Variants in RIMS2 observed in about 807,000 individuals in gnomAD.
RIMS2 encodes the protein regulating synaptic membrane exocytosis 2.
RIMS2 carries 59 observed loss-of-function variants against 174.4 expected under a neutral mutation model. That is an observed-to-expected ratio of 0.34 (90% CI 0.27 to 0.42). RIMS2 has a LOEUF of 0.42. RIMS2 is among the 10% of genes least tolerant of loss of function. RIMS2 has a pLI of 1.00. For synonymous variants in RIMS2, 606 were observed against 572.5 expected, an observed-to-expected ratio of 1.06 and a Z score of -0.84; for missense variants, 1,620 against 1,666.3, an observed-to-expected ratio of 0.97 and a Z score of 0.48.
intron 19 of RIMS2, among the ~76,000 whole-genome samples, chr8:104,032,861 A>G (rs1454493500): frequency 6.6e-6 from 1 of 152,046 alleles, no homozygotes. Context: ...TATTCCAAAC[A>G]TTATACTTGG....
intron 19 of RIMS2, among the ~76,000 whole-genome samples, chr8:104,173,467 A>G (rs960345936): frequency 2.0e-5 from 3 of 152,070 alleles, no homozygotes; most frequent in African/African-American, 7.2e-5. Flanking sequence ...TGAACACCAG[A>G]TTATTTTATT....
At chr8:103,788,919 C>T (rs886628140) in intron 3 of RIMS2, among the ~76,000 whole-genome samples, 12 of 152,196 alleles carry the variant, frequency 7.9e-5, no homozygotes, top group South Asian at 2.1e-4. Flanking sequence ...TAGCAATCAG[C>T]GAGACTCCGT....
intron 3 of RIMS2, among the ~76,000 whole-genome samples, chr8:103,830,764 A>G (rs1026349917): frequency 1.3e-5 from 2 of 151,100 alleles, no homozygotes; most frequent in Non-Finnish European, 3.0e-5. Context: ...CTTTTGCTCT[A>G]TGTGCCTTAA....
At chr8:103,537,507 A>G (rs1405483301) in intron 1 of RIMS2, among the ~76,000 whole-genome samples, 1 of 152,186 alleles carries the variant, frequency 6.6e-6, no homozygotes, top group Non-Finnish European at 1.5e-5. Context: ...CCAGGACAGC[A>G]ATTTGAGACC....
intron 16 of RIMS2, 126 bp downstream of exon 18, chr8:103,975,632 T>G: frequency 1.6e-6 from 1 of 627,998 alleles, no homozygotes; most frequent in South Asian, 2.5e-5. Context: ...GCTCATATGA[T>G]TATAAGACAA....
At chr8:103,614,298 T>A (rs1322057524) in intron 1 of RIMS2, among the ~76,000 whole-genome samples, 3 of 152,284 alleles carry the variant, frequency 2.0e-5, no homozygotes, top group Non-Finnish European at 4.4e-5. Flanking sequence ...AGCACAGCTT[T>A]GCTCTCCACT....
intron 19 of RIMS2, chr8:104,093,610 A>G (rs1194681277): frequency 3.8e-6 from 6 of 1,597,178 alleles, no homozygotes; most frequent in South Asian, 1.1e-5. Flanking sequence ...ATGTCTGTCC[A>G]ATCAGAACGC....
intron 4 of RIMS2, among the ~76,000 whole-genome samples, chr8:103,903,519 T>G (rs915188869): frequency 6.6e-6 from 1 of 152,172 alleles, no homozygotes; most frequent in African/African-American, 2.4e-5. Flanking sequence ...TTTTTCTCTG[T>G]GTATAGAACA....
intron 19 of RIMS2, chr8:104,015,383 TG>T: frequency 1.5e-6 from 1 of 670,434 alleles, no homozygotes; most frequent in Non-Finnish European, 2.7e-6. Flanking sequence ...TTTGTTTGTT[TG>T]TTTTTGTTCT....
intron 19 of RIMS2, among the ~76,000 whole-genome samples, chr8:104,213,114 C>A (rs1467917249): frequency 6.6e-6 from 1 of 152,094 alleles, no homozygotes; most frequent in African/African-American, 2.4e-5. Flanking sequence ...GAGTTTGAGA[C>A]CAGCCTGGCC....
At chr8:104,167,009 A>C (rs141103998) in intron 19 of RIMS2, among the ~76,000 whole-genome samples, 166 of 152,226 alleles carry the variant, frequency 1.1e-3, no homozygotes, top group Non-Finnish European at 8.2e-4. Context: ...TGCCACATTT[A>C]TCTACTCATT....
Position 103,936,604 on chromosome 8 carries a change from G to A in RIMS2, c.2429G>A (p.Trp810Ter). 1 of 1,606,012 alleles carries A rather than the reference G, an allele frequency of 6.2e-7. No homozygotes were observed. Residue 810 changes from tryptophan to a stop codon, truncating the protein, a stop_gained, in exon 13 of 24, where the codon TGG (tryptophan) becomes TAG (stop). Transcript: ENST00000504942. LOFTEE classifies it high-confidence loss of function. ...GTAAAGAAAACATTGGAACCCAAAT[G>A]GAACCAAACATTCATTTATTCTCCA...
intron 19 of RIMS2, among the ~76,000 whole-genome samples, chr8:104,041,014 T>C (rs1298112305): frequency 3.3e-5 from 5 of 151,750 alleles, no homozygotes; most frequent in African/African-American, 1.2e-4. Flanking sequence ...TTACTAATGG[T>C]ATCTTTCTTC....
At position 103,958,223 on chromosome 8, in the gene RIMS2, T is replaced by TA. The variant is rs2088301948; in HGVS notation, c.2702-2836dup. Among the ~76,000 whole-genome samples, 3 of 152,168 alleles carry TA rather than the reference T, an allele frequency of 2.0e-5. No individual in the cohort carries two copies. In the South Asian group the frequency reaches 6.2e-4, roughly 32 times the overall value. The stretch of plus-strand genomic sequence containing the variant: ...TACACCATAGAATACTATGACGCCA[T>TA]AAAAAAGAACAACATCATGTCTTTA... On this transcript the variant is annotated intron_variant, in intron 14 of 23. Coordinates refer to ENST00000504942, the Ensembl canonical transcript of RIMS2.
At chr8:103,512,909 G>A (rs1373957833) in intron 1 of RIMS2, among the ~76,000 whole-genome samples, 1 of 152,116 alleles carries the variant, frequency 6.6e-6, no homozygotes, top group Non-Finnish European at 1.5e-5. Context: ...AGTCATTTGT[G>A]TAACATAGTG....
chr8:103,956,902 C>T (rs928845720), intron 14 of RIMS2, among the ~76,000 whole-genome samples: 1 of 151,816 alleles, frequency 6.6e-6, no homozygotes, highest in Non-Finnish European at 1.5e-5. Flanking sequence ...AACAGATTTA[C>T]AAGAAAAAAA....
chr8:103,936,698 G>A (rs1212241548), exon 13 of RIMS2: 8 of 1,606,662 alleles, frequency 5.0e-6, no homozygotes, highest in Non-Finnish European at 5.9e-6. Context: ...GTGTTCGAGA[G>A]GAAGAAAGTG....
At chr8:104,055,510 T>C (rs933409956) in intron 19 of RIMS2, among the ~76,000 whole-genome samples, 1 of 152,194 alleles carries the variant, frequency 6.6e-6, no homozygotes, top group Non-Finnish European at 1.5e-5. Context: ...TTGTATCTTC[T>C]ATAAACAATT....
intron 15 of RIMS2, among the ~76,000 whole-genome samples, chr8:103,968,909 A>C (rs1244621960): frequency 6.6e-6 from 1 of 152,110 alleles, no homozygotes; most frequent in Non-Finnish European, 1.5e-5. Flanking sequence ...CTGGCAACAA[A>C]ATCCAAATTT....
Sources: gnomAD v4.1 joint callset for allele counts (sites outside exome capture counted in the v4.1 genomes callset) on GRCh38, gnomAD v4.1.1 for gene constraint, MANE v1.5 for transcripts, NCBI Gene and HGNC (gene_info 2026-07-23, HGNC 2026-07-21) for gene names.